The following VSNL1 variants were observed in gnomAD, a reference collection of about 807,000 sequenced individuals.
VSNL1 encodes the protein visinin like 1.
A neutral mutation model predicts 20.4 loss-of-function variants in VSNL1; 6 were observed. The observed-to-expected ratio is 0.29, with a 90% CI of 0.16 to 0.58. The LOEUF (loss-of-function observed/expected upper bound fraction) is 0.58. VSNL1 is among the 20% of genes least tolerant of loss of function. The pLI, the probability that VSNL1 is intolerant of heterozygous loss-of-function variation, is 0.90. For synonymous variants in VSNL1, 93 were observed against 86.4 expected, an observed-to-expected ratio of 1.08 and a Z score of -0.42; for missense variants, 100 against 234.5, an observed-to-expected ratio of 0.43 and a Z score of 3.75.
At chr2:17,571,068 T>C (rs1664070598) in intron 1 of VSNL1, among the ~76,000 whole-genome samples, 1 of 151,944 alleles carries the variant, frequency 6.6e-6, no homozygotes, top group African/African-American at 2.4e-5. Flanking sequence ...AATAAACTGG[T>C]AATATTTCCC....
chr2:17,584,798 C>G lies in VSNL1; in HGVS notation c.-5-7272C>G, dbSNP rs535390160. ...CCTGGGCACTGCAGCAGGCATCAGT[C>G]TTATCGTTGAGACTTGGTAGCTAGG... On this transcript the variant is annotated intron_variant, in intron 1 of 3. Transcript: ENST00000295156. Among the ~76,000 whole-genome samples the G allele has an allele frequency of 2.0e-4, 31 of 152,258 alleles. 2 individuals are homozygous for G. The South Asian group carries it at 6.4e-3, about 32-fold the overall frequency.
chr2:17,595,259 T>G (rs1263242474), intron 2 of VSNL1, among the ~76,000 whole-genome samples: 4 of 152,198 alleles, frequency 2.6e-5, no homozygotes. Context: ...ATGTAATAAG[T>G]GCTGGCTGTA....
At chr2:17,622,412 C>CACTT (rs1247376882) in intron 2 of VSNL1, among the ~76,000 whole-genome samples, 2 of 150,240 alleles carry the variant, frequency 1.3e-5, no homozygotes, top group African/African-American at 4.9e-5. Context: ...GCAGGAGAAT[C>CACTT]ACTTAAACCC....
intron 2 of VSNL1, among the ~76,000 whole-genome samples, chr2:17,623,746 T>C (rs900094782): frequency 1.3e-5 from 2 of 151,474 alleles, no homozygotes; most frequent in Non-Finnish European, 2.9e-5. Context: ...AATGCTATCA[T>C]AGACTAAAGG....
chr2:17,646,589 C>T (rs566905709), intron 2 of VSNL1, among the ~76,000 whole-genome samples: 77 of 152,310 alleles, frequency 5.1e-4, no homozygotes, highest in African/African-American at 1.4e-3. Flanking sequence ...TACACACACA[C>T]ATATACATAT....
In VSNL1 at chr2:17,640,067, C is replaced by T. The variant is rs182949938; in HGVS notation, c.163-9343C>T. 9.9e-3 allele frequency among the ~76,000 whole-genome samples: 1,512 copies of T among 152,038 alleles called. 12 individuals are homozygous for T. Among genetic ancestry groups the T allele is most frequent in the Non-Finnish European group, 0.015 (1,026 of 67,966 alleles). On this transcript the variant is annotated intron_variant, in intron 2 of 3. Coordinates refer to ENST00000295156, the MANE Select transcript of VSNL1 (RefSeq NM_003385.5). ...GAGTTTGAGACCAGCCTGGTAAACA[C>T]GGTGAAACCCGGTCTCTACTAAAAA... is the stretch of plus-strand genomic sequence containing the variant.
At chr2:17,591,922 T>G in intron 1 of VSNL1, 148 bp from the exon 2 acceptor site, 1 of 743,556 alleles carries the variant, frequency 1.3e-6, no homozygotes, top group East Asian at 2.7e-5. Context: ...GAATACCAAG[T>G]AGAAGGAGGC....
At chr2:17,582,488 A>T (rs557185825) in intron 1 of VSNL1, among the ~76,000 whole-genome samples, 1 of 152,286 alleles carries the variant, frequency 6.6e-6, no homozygotes, top group East Asian at 1.9e-4. Flanking sequence ...AAGTGATAGG[A>T]TAATGGCTTG....
chr2:17,579,969 G>T (rs1052433726), intron 1 of VSNL1, among the ~76,000 whole-genome samples: 1 of 152,192 alleles, frequency 6.6e-6, no homozygotes, highest in Non-Finnish European at 1.5e-5. Context: ...TGGAGAAGTT[G>T]TGATCGGGAG....
At chr2:17,577,343 T>C (rs575311893) in intron 1 of VSNL1, among the ~76,000 whole-genome samples, 1 of 152,242 alleles carries the variant, frequency 6.6e-6, no homozygotes, top group Non-Finnish European at 1.5e-5. Flanking sequence ...TTTTAAAAGA[T>C]GGCATATGGT....
intron 1 of VSNL1, among the ~76,000 whole-genome samples, chr2:17,546,211 CAA>C (rs1663402841): frequency 1.3e-5 from 2 of 152,030 alleles, no homozygotes; most frequent in South Asian, 4.2e-4. Context: ...AAAGTGTTAA[CAA>C]ATCAGTTAAA....
intron 2 of VSNL1, among the ~76,000 whole-genome samples, chr2:17,614,174 T>C (rs567512076): frequency 7.9e-5 from 12 of 152,160 alleles, no homozygotes; most frequent in Non-Finnish European, 1.6e-4. Flanking sequence ...GAGGTATAGC[T>C]GAGGGCACTG....
chr2:17,641,201 A>G (rs1030548956), intron 2 of VSNL1, among the ~76,000 whole-genome samples: 10 of 152,248 alleles, frequency 6.6e-5, no homozygotes, highest in Admixed American at 2.0e-4. Flanking sequence ...TGGAGGAGGT[A>G]GGGAGATCAA....
intron 3 of VSNL1, among the ~76,000 whole-genome samples, chr2:17,650,107 A>G (rs753429347): frequency 6.6e-6 from 1 of 152,060 alleles, no homozygotes; most frequent in Non-Finnish European, 1.5e-5. Context: ...TGCATTCCCA[A>G]TGTGAAGGTC....
At chr2:17,574,502 C>T (rs960201875) in intron 1 of VSNL1, among the ~76,000 whole-genome samples, 3 of 152,110 alleles carry the variant, frequency 2.0e-5, no homozygotes, top group African/African-American at 7.2e-5. Flanking sequence ...GCTAATATTC[C>T]AGCTGAAAAT....
intron 2 of VSNL1, among the ~76,000 whole-genome samples, chr2:17,611,708 C>G (rs1326779385): frequency 6.6e-6 from 1 of 152,236 alleles, no homozygotes; most frequent in Non-Finnish European, 1.5e-5. Flanking sequence ...AGCACCCCCA[C>G]TTCCACTGCT....
intron 1 of VSNL1, among the ~76,000 whole-genome samples, chr2:17,547,212 T>C (rs1160366499): frequency 1.3e-5 from 2 of 152,022 alleles, no homozygotes; most frequent in Non-Finnish European, 2.9e-5. Flanking sequence ...ATAAATTGTT[T>C]AAACTCTCAG....
intron 1 of VSNL1, among the ~76,000 whole-genome samples, chr2:17,565,312 T>C (rs1663911446): frequency 6.6e-6 from 1 of 152,188 alleles, no homozygotes; most frequent in African/African-American, 2.4e-5. Context: ...TATCCATTGA[T>C]CTACCCAGAA....
chr2:17,570,916 C>T (rs923753001), intron 1 of VSNL1, among the ~76,000 whole-genome samples: 2 of 152,076 alleles, frequency 1.3e-5, no homozygotes, highest in African/African-American at 4.8e-5. Flanking sequence ...CGCCTGTAAT[C>T]CTGGCTATGT....
Sources: gnomAD v4.1 joint callset for allele counts (sites outside exome capture counted in the v4.1 genomes callset) on GRCh38, gnomAD v4.1.1 for gene constraint, MANE v1.5 for transcripts, NCBI Gene and HGNC (gene_info 2026-07-23, HGNC 2026-07-21) for gene names.